TRIM44: variants seen among roughly 807,000 people sequenced by gnomAD.
TRIM44 encodes the protein tripartite motif containing 44.
A neutral mutation model predicts 37.4 loss-of-function variants in TRIM44; 13 were observed. The observed-to-expected ratio is 0.35, with a 90% CI of 0.23 to 0.55. The LOEUF is 0.55. TRIM44 is among the 20% of genes least tolerant of loss of function. The probability of loss-of-function intolerance (pLI) is 0.89; values close to 1 mark genes in which losing one functional copy is unlikely to be tolerated. For missense variants in TRIM44, 426 were observed against 437.2 expected, an observed-to-expected ratio of 0.97 and a Z score of 0.23; for synonymous variants, 175 against 157.2, an observed-to-expected ratio of 1.11 and a Z score of -0.85.
chr11:35,783,163 C>T (rs1289735962), intron 4 of TRIM44, among the ~76,000 whole-genome samples: 1 of 152,182 alleles, frequency 6.6e-6, no homozygotes, highest in African/African-American at 2.4e-5. Flanking sequence ...CTGAGTAACA[C>T]ATCTGAGGTA....
chr11:35,756,859 C>T (rs996395733), intron 4 of TRIM44, among the ~76,000 whole-genome samples: 13 of 152,144 alleles, frequency 8.5e-5, no homozygotes, highest in African/African-American at 3.1e-4. Flanking sequence ...ATGAAGCCCA[C>T]TTGATCATGG....
intron 4 of TRIM44, among the ~76,000 whole-genome samples, chr11:35,740,792 G>A (rs1423642155): frequency 6.6e-6 from 1 of 152,150 alleles, no homozygotes; most frequent in Non-Finnish European, 1.5e-5. Flanking sequence ...TAGTTTTGGG[G>A]ATATCCTTGT....
intron 2 of TRIM44, among the ~76,000 whole-genome samples, chr11:35,703,426 G>A (rs1396828415): frequency 6.6e-6 from 1 of 152,238 alleles, no homozygotes; most frequent in African/African-American, 2.4e-5. Flanking sequence ...TCAGCATGCA[G>A]CTGGAGATCT....
chr11:35,765,959 T>C (rs1277751706), intron 4 of TRIM44, among the ~76,000 whole-genome samples: 1 of 152,216 alleles, frequency 6.6e-6, no homozygotes, highest in African/African-American at 2.4e-5. Context: ...AAGGAAAGGA[T>C]ATGGTACATT....
intron 4 of TRIM44, among the ~76,000 whole-genome samples, chr11:35,764,123 T>C (rs1310093520): frequency 6.6e-6 from 1 of 152,162 alleles, no homozygotes; most frequent in Non-Finnish European, 1.5e-5. Flanking sequence ...GCTTGCTCCT[T>C]CTCATGGGAA....
chr11:35,693,475 A>G (rs1851661285), intron 2 of TRIM44, among the ~76,000 whole-genome samples: 2 of 152,028 alleles, frequency 1.3e-5, no homozygotes, highest in South Asian at 4.2e-4. Context: ...TTTATGCTGG[A>G]GTATACTGTT....
intron 2 of TRIM44, among the ~76,000 whole-genome samples, chr11:35,701,935 G>A (rs1162226018): frequency 6.6e-6 from 1 of 152,170 alleles, no homozygotes; most frequent in Non-Finnish European, 1.5e-5. Flanking sequence ...CCTTTTCCCA[G>A]AGAGGCCCTA....
At chr11:35,700,333 C>G (rs527939993) in intron 2 of TRIM44, among the ~76,000 whole-genome samples, 1 of 152,228 alleles carries the variant, frequency 6.6e-6, no homozygotes. Flanking sequence ...TTTTTACAAG[C>G]CTTCCACAAC....
intron 4 of TRIM44, among the ~76,000 whole-genome samples, chr11:35,779,771 T>G (rs1007465252): frequency 2.6e-5 from 4 of 152,116 alleles, no homozygotes; most frequent in African/African-American, 9.7e-5. Context: ...AGTTTTTTTT[T>G]GTATATGGTA....
intron 4 of TRIM44, among the ~76,000 whole-genome samples, chr11:35,764,624 A>T (rs1273660132): frequency 6.6e-6 from 1 of 152,168 alleles, no homozygotes; most frequent in Non-Finnish European, 1.5e-5. Flanking sequence ...TCGGCATCAC[A>T]TCACAGTTGT....
intron 4 of TRIM44, among the ~76,000 whole-genome samples, chr11:35,784,299 T>C: frequency 6.6e-6 from 1 of 152,222 alleles, no homozygotes; most frequent in African/African-American, 2.4e-5. Flanking sequence ...ATACTATTTC[T>C]GAGGCTTGAG....
chr11:35,754,837 T>C (rs901337685), intron 4 of TRIM44, among the ~76,000 whole-genome samples: 1 of 152,132 alleles, frequency 6.6e-6, no homozygotes, highest in Non-Finnish European at 1.5e-5. Context: ...CATGAACTCA[T>C]CCTTTTTTAT....
chr11:35,690,767 A>G lies in TRIM44; in HGVS notation c.747+5431A>G, dbSNP rs776771174. 2.0e-5 allele frequency among the ~76,000 whole-genome samples: 3 copies of G among 152,312 alleles called. No individual in the cohort carries two copies. In the South Asian group the frequency reaches 6.2e-4, roughly 32 times the overall value. ...TGGAACCTGGCACATAGTAATTGAT[A>G]TGTATTATCTATTACAGCAACCTAT... On this transcript the variant is annotated intron_variant, in intron 2 of 4. Transcript: ENST00000299413.
rs1308413625 is a variant in TRIM44, at chr11:35,807,470, C to T, written c.*1085C>T. 1 of 152,208 alleles carries T rather than the reference C, an allele frequency of 6.6e-6. No individual in the cohort carries two copies. Among genetic ancestry groups the T allele is most frequent in the Non-Finnish European group, 1.5e-5 (1 of 68,034 alleles). The allele number at this position is 152,208 out of a possible 1,614,324, so 9.4% of individuals were successfully genotyped here. A position where few individuals can be genotyped will look rare whatever the true frequency, so the allele number is the denominator to read the frequency against. Reference sequence around the variant, plus strand: ...CTCCCACACCCTGGATCTCACTCTCCTCTTAGTAACAGAGACACTCCTGAG... The same window carrying T: ...CTCCCACACCCTGGATCTCACTCTCTTCTTAGTAACAGAGACACTCCTGAG... On this transcript the variant is annotated 3_prime_UTR_variant, in exon 5 of 5. Transcript: ENST00000299413.
chr11:35,725,066 T>A (rs868377222), intron 2 of TRIM44, among the ~76,000 whole-genome samples: 181 of 141,138 alleles, frequency 1.3e-3, no homozygotes, highest in African/African-American at 4.3e-3. Context: ...ATGCACACAC[T>A]CACACACACA....
intron 4 of TRIM44, among the ~76,000 whole-genome samples, chr11:35,805,499 A>G (rs1853435545): frequency 6.6e-6 from 1 of 152,330 alleles, no homozygotes; most frequent in Non-Finnish European, 1.5e-5. Flanking sequence ...GGACTTGACA[A>G]CTATTTGACC....
chr11:35,783,821 T>C (rs1041952395), intron 4 of TRIM44, among the ~76,000 whole-genome samples: 1 of 152,170 alleles, frequency 6.6e-6, no homozygotes, highest in Non-Finnish European at 1.5e-5. Context: ...TGAGTGGGTG[T>C]TTGGGGCACA....
intron 2 of TRIM44, among the ~76,000 whole-genome samples, chr11:35,689,186 T>C (rs1474834349): frequency 1.3e-5 from 2 of 152,026 alleles, no homozygotes; most frequent in Non-Finnish European, 2.9e-5. Flanking sequence ...TGATCAAAGC[T>C]CCCTGCCATG....
chr11:35,742,855 T>G (rs893729969), intron 4 of TRIM44, among the ~76,000 whole-genome samples: 1 of 147,126 alleles, frequency 6.8e-6, no homozygotes, highest in Non-Finnish European at 1.5e-5. Context: ...TATATTATTT[T>G]TATTTCTAAT....
Sources: allele counts gnomAD v4.1 joint callset (sites outside exome capture counted in the v4.1 genomes callset), GRCh38; gene constraint gnomAD v4.1.1; transcripts MANE v1.5; gene names NCBI Gene and HGNC (gene_info 2026-07-23, HGNC 2026-07-21).